MAGI2: variants seen among roughly 807,000 people sequenced by gnomAD.
The protein encoded by MAGI2 is membrane-associated guanylate kinase, WW and PDZ domain-containing protein 2.
MAGI2 carries 35 observed loss-of-function variants against 133.3 expected under a neutral mutation model. The observed-to-expected ratio is 0.26, with a 90% confidence interval of 0.20 to 0.35. The LOEUF (loss-of-function observed/expected upper bound fraction) is 0.35, where lower values mean the gene tolerates loss of function less well. Ranked by LOEUF, MAGI2 falls within the 10% of genes least tolerant of loss-of-function variation. MAGI2 has a pLI of 1.00. For missense variants in MAGI2, 1,636 were observed against 1,863.4 expected, an observed-to-expected ratio of 0.88 and a Z score of 2.25; for synonymous variants, 729 against 710.6, an observed-to-expected ratio of 1.03 and a Z score of -0.41.
At chr7:78,269,546 T>TTTGAGC (rs916258094) in intron 9 of MAGI2, among the ~76,000 whole-genome samples, 1 of 151,884 alleles carries the variant, frequency 6.6e-6, no homozygotes, top group Non-Finnish European at 1.5e-5. Context: ...GATGATGAGC[T>TTTGAGC]TTTTTTTCAT....
chr7:78,143,733 A>G (rs3807698), intron 16 of MAGI2, among the ~76,000 whole-genome samples: 40,460 of 151,956 alleles, frequency 0.27, 5,549 homozygotes, highest in East Asian at 0.32. Flanking sequence ...TAACCTGTCC[A>G]TATGCATAGA....
intron 3 of MAGI2, among the ~76,000 whole-genome samples, chr7:78,584,762 C>T (rs557004123): frequency 3.3e-5 from 5 of 152,262 alleles, no homozygotes; most frequent in East Asian, 1.9e-4. Context: ...GCCTGGGCTT[C>T]GGATATCAGC....
chr7:78,212,737 A>G (rs1402700941), intron 10 of MAGI2, among the ~76,000 whole-genome samples: 1 of 152,222 alleles, frequency 6.6e-6, no homozygotes, highest in Non-Finnish European at 1.5e-5. Flanking sequence ...AAATGAAACT[A>G]GATCTCAACT....
chr7:78,642,877 G>T (rs1196055359), intron 2 of MAGI2, among the ~76,000 whole-genome samples: 1 of 152,156 alleles, frequency 6.6e-6, no homozygotes, highest in African/African-American at 2.4e-5. Flanking sequence ...CTAAGCAATG[G>T]TGCACTCCAC....
intron 10 of MAGI2, among the ~76,000 whole-genome samples, chr7:78,219,536 A>ATC (rs1481819710): frequency 6.6e-6 from 1 of 151,780 alleles, no homozygotes; most frequent in Non-Finnish European, 1.5e-5. Context: ...AAAACATCTA[A>ATC]TCTCCTTCTA....
At chr7:78,742,545 G>A (rs1822532645) in intron 2 of MAGI2, among the ~76,000 whole-genome samples, 1 of 152,020 alleles carries the variant, frequency 6.6e-6, no homozygotes, top group Non-Finnish European at 1.5e-5. Context: ...TTTCCCTCTG[G>A]CTTGGATAAT....
intron 2 of MAGI2, among the ~76,000 whole-genome samples, chr7:78,743,869 A>AC (rs1006518807): frequency 6.6e-6 from 1 of 151,840 alleles, no homozygotes; most frequent in African/African-American, 2.4e-5. Flanking sequence ...TTACCATTCC[A>AC]TTTTTTTTCC....
rs3972364 is a variant in MAGI2 at position 78,054,589 on chromosome 7, C to CTTTTTTTTT, written c.3706+24349_3706+24357dup. Among the ~76,000 whole-genome samples the CTTTTTTTTT allele has an allele frequency of 5.0e-3, 709 of 141,740 alleles. 10 individuals carry two copies. The highest frequency in any genetic ancestry group is 0.018 in the African/African-American group (661 of 37,436). 93.0% of individuals were successfully genotyped at this position (141,740 alleles called of 152,430 possible). ...TTAAGCCCCTTCATTCATAGGCATA[C>CTTTTTTTTT]TTTTTTTTTTTTTTCCTGAAAGACC... On this transcript the variant is annotated intron_variant, in intron 21 of 21. Transcript: ENST00000354212.
chr7:78,136,333 G>A (rs1003708309), intron 16 of MAGI2, among the ~76,000 whole-genome samples: 5 of 152,116 alleles, frequency 3.3e-5, no homozygotes, highest in African/African-American at 9.7e-5. Flanking sequence ...TGTTAGCCAG[G>A]ATGGTCTCGA....
chr7:78,448,657 G>C (rs1437245820), intron 6 of MAGI2, among the ~76,000 whole-genome samples: 1 of 151,984 alleles, frequency 6.6e-6, no homozygotes, highest in East Asian at 1.9e-4. Flanking sequence ...GACAGAATTT[G>C]GGTCCTCAAA....
At chr7:78,787,760 G>T (rs1437999113) in intron 2 of MAGI2, among the ~76,000 whole-genome samples, 1 of 152,128 alleles carries the variant, frequency 6.6e-6, no homozygotes, top group Non-Finnish European at 1.5e-5. Context: ...ATCAGAAAGT[G>T]CCTAGAAGTA....
intron 16 of MAGI2, among the ~76,000 whole-genome samples, chr7:78,135,610 C>A (rs1278686503): frequency 6.6e-6 from 1 of 152,192 alleles, no homozygotes; most frequent in Non-Finnish European, 1.5e-5. Context: ...CCACATAGAA[C>A]TTTGTGCCCC....
intron 2 of MAGI2, among the ~76,000 whole-genome samples, chr7:78,652,007 A>G (rs1435397970): frequency 6.6e-6 from 1 of 152,146 alleles, no homozygotes; most frequent in Non-Finnish European, 1.5e-5. Context: ...CTGGTTGTAT[A>G]TGTATATACT....
At chr7:79,331,829 A>G (rs1840092838) in intron 1 of MAGI2, among the ~76,000 whole-genome samples, 1 of 152,080 alleles carries the variant, frequency 6.6e-6, no homozygotes, top group Non-Finnish European at 1.5e-5. Context: ...AAGGCAACTT[A>G]GAGTTGTCTA....
intron 9 of MAGI2, among the ~76,000 whole-genome samples, chr7:78,258,144 C>G (rs1010047897): frequency 6.6e-6 from 1 of 152,186 alleles, no homozygotes; most frequent in African/African-American, 2.4e-5. Context: ...GATGGAACTT[C>G]ACTTTTCCAT....
chr7:78,689,669 T>C (rs550486356), intron 2 of MAGI2, among the ~76,000 whole-genome samples: 1 of 148,808 alleles, frequency 6.7e-6, no homozygotes, highest in South Asian at 2.1e-4. Context: ...AATGTGTATC[T>C]TTTTGGATCT....
At chr7:78,283,801 A>G (rs145290412) in intron 9 of MAGI2, among the ~76,000 whole-genome samples, 50 of 152,236 alleles carry the variant, frequency 3.3e-4, no homozygotes, top group African/African-American at 1.1e-3. Flanking sequence ...TTGGCCTAAA[A>G]AGCGATAAAT....
At chr7:79,397,531 C>T (rs1362040113) in intron 1 of MAGI2, among the ~76,000 whole-genome samples, 1 of 151,984 alleles carries the variant, frequency 6.6e-6, no homozygotes, top group Non-Finnish European at 1.5e-5. Context: ...GTGACTATCT[C>T]TAAGCTAATT....
intron 1 of MAGI2, among the ~76,000 whole-genome samples, chr7:79,387,788 CTTCT>C (rs371320109): frequency 8.4e-4 from 128 of 151,894 alleles, no homozygotes; most frequent in African/African-American, 2.9e-3. Flanking sequence ...CCTTGCCTTC[CTTCT>C]TTATTTCTTC....
Sources: gnomAD v4.1 joint callset for allele counts (sites outside exome capture counted in the v4.1 genomes callset) on GRCh38, gnomAD v4.1.1 for gene constraint, MANE v1.5 for transcripts, NCBI Gene and HGNC (gene_info 2026-07-23, HGNC 2026-07-21) for gene names.